The following CRYL1 variants were observed in gnomAD, a reference collection of about 807,000 sequenced individuals.
CRYL1 encodes the protein crystallin lambda 1.
In CRYL1, 29 loss-of-function variants were observed where a neutral mutation model predicts 36.6. The observed-to-expected ratio is 0.79, with a 90% confidence interval of 0.59 to 1.08. The LOEUF is 1.08. Among genes scored for constraint, CRYL1 ranks in the 50% least tolerant of loss-of-function variants. The pLI is 0.00. For missense variants in CRYL1, 411 were observed against 407.9 expected, an observed-to-expected ratio of 1.01 and a Z score of -0.06; for synonymous variants, 152 against 151.5, an observed-to-expected ratio of 1.00 and a Z score of -0.02.
At chr13:20,424,744 C>T in intron 5 of CRYL1, among the ~76,000 whole-genome samples, 1 of 151,912 alleles carries the variant, frequency 6.6e-6, no homozygotes, top group East Asian at 1.9e-4. Flanking sequence ...AGGGCAAAGC[C>T]GGCAGAGGGA....
chr13:20,489,621 C>A lies in CRYL1; in HGVS notation c.150-125G>T, dbSNP rs1453482742. The stretch of plus-strand genomic sequence containing the variant: ...ACCACAGTGAGATACCACCTCACAC[C>A]CATTAGGGGCTACCAAAAATAGAAA... On this transcript the variant is annotated intron_variant, in intron 2 of 7. Transcript: ENST00000298248. 5 of 1,089,016 alleles carry A rather than the reference C, an allele frequency of 4.6e-6. No homozygotes were observed. In the African/African-American group the frequency reaches 6.3e-5, roughly 14 times the overall value. 67.5% of individuals were successfully genotyped at this position (1,089,016 alleles called of 1,614,324 possible). A position where few individuals can be genotyped will look rare whatever the true frequency, so the allele number is the denominator to read the frequency against.
intron 3 of CRYL1, among the ~76,000 whole-genome samples, chr13:20,473,282 C>T (rs1156935266): frequency 6.6e-6 from 1 of 152,268 alleles, no homozygotes; most frequent in Non-Finnish European, 1.5e-5. Context: ...GCGGCACCCA[C>T]ATGCTGCTCA....
At chr13:20,483,636 C>T (rs61326535) in intron 3 of CRYL1, among the ~76,000 whole-genome samples, 1 of 151,870 alleles carries the variant, frequency 6.6e-6, no homozygotes, top group East Asian at 1.9e-4. Context: ...ACCTCCTGGG[C>T]TCAAGTGATC....
intron 6 of CRYL1, among the ~76,000 whole-genome samples, chr13:20,407,688 T>C (rs2031412477): frequency 6.6e-6 from 1 of 152,208 alleles, no homozygotes; most frequent in Admixed American, 6.5e-5. Context: ...CTTGTAGAGC[T>C]TGGCTTTTTA....
chr13:20,407,344 T>C (rs961944797), intron 6 of CRYL1, among the ~76,000 whole-genome samples: 5 of 151,916 alleles, frequency 3.3e-5, no homozygotes, highest in Admixed American at 1.3e-4. Context: ...TGACTTAGAC[T>C]CACGACCTGC....
chr13:20,516,272 A>AT (rs1184459601), intron 1 of CRYL1, among the ~76,000 whole-genome samples: 1 of 151,704 alleles, frequency 6.6e-6, no homozygotes, highest in Non-Finnish European at 1.5e-5. Flanking sequence ...TTTAAAAAAT[A>AT]TTTTTTTAAA....
rs1287248628 is a variant in CRYL1, at chr13:20,504,571, G to A, written c.149+7872C>T. On this transcript the variant is annotated intron_variant, in intron 2 of 7. Coordinates refer to ENST00000298248, the MANE Select transcript of CRYL1 (RefSeq NM_015974.3). ...TCCACCTGCCTTGGCCTCCCAAAGT[G>A]CTGGGATTTGCTTTTCTTCTTAAAA... 3.3e-5 allele frequency among the ~76,000 whole-genome samples: 5 copies of A among 152,160 alleles called. No homozygotes were observed. In the South Asian group the frequency reaches 1.0e-3, roughly 32 times the overall value.
intron 4 of CRYL1, 79 bp downstream of exon 4, chr13:20,439,514 C>CAAAAAAAAAAAAAGAAAAAAAAA: frequency 3.0e-6 from 1 of 330,904 alleles, no homozygotes; most frequent in Non-Finnish European, 4.6e-6. Context: ...CCCTCCCCCG[C>CAAAAAAAAAAAAAGAAAAAAAAA]AAAAAAAAAA....
chr13:20,507,262 C>T (rs1190643086), intron 2 of CRYL1, among the ~76,000 whole-genome samples: 1 of 152,166 alleles, frequency 6.6e-6, no homozygotes, highest in Non-Finnish European at 1.5e-5. Context: ...CATTTTGTGA[C>T]TCTGAAAATT....
intron 5 of CRYL1, chr13:20,431,601 A>G: frequency 9.7e-7 from 1 of 1,029,160 alleles, no homozygotes; most frequent in Non-Finnish European, 1.2e-6. Flanking sequence ...GATGTTAAAT[A>G]TATTTACATA....
At chr13:20,490,120 G>A (rs1024323936) in intron 2 of CRYL1, among the ~76,000 whole-genome samples, 2 of 152,194 alleles carry the variant, frequency 1.3e-5, no homozygotes, top group South Asian at 2.1e-4. Flanking sequence ...GCCAGGCTAG[G>A]TGGCTCACTC....
intron 3 of CRYL1, among the ~76,000 whole-genome samples, chr13:20,441,697 A>G (rs1482205891): frequency 2.0e-5 from 3 of 152,220 alleles, no homozygotes; most frequent in Non-Finnish European, 4.4e-5. Context: ...TCAAAAATAA[A>G]TGTTTTCAAG....
intron 5 of CRYL1, chr13:20,430,315 G>A (rs1416466189): frequency 1.0e-6 from 1 of 985,060 alleles, no homozygotes; most frequent in Non-Finnish European, 1.2e-6. Flanking sequence ...CTAGATTTTG[G>A]CACTCAGTTC....
intron 6 of CRYL1, chr13:20,405,760 G>A (rs573035370): frequency 1.3e-5 from 2 of 152,652 alleles, no homozygotes; most frequent in Admixed American, 6.5e-5. Flanking sequence ...TGCAGGAAGA[G>A]GCTTATCCTG....
At chr13:20,521,737 C>CACTT (rs2034101387) in intron 1 of CRYL1, among the ~76,000 whole-genome samples, 1 of 152,170 alleles carries the variant, frequency 6.6e-6, no homozygotes, top group South Asian at 2.1e-4. Context: ...ATAATTGCTT[C>CACTT]AATTCTATCA....
At chr13:20,420,394 C>T (rs753555872) in intron 5 of CRYL1, among the ~76,000 whole-genome samples, 15 of 152,180 alleles carry the variant, frequency 9.9e-5, no homozygotes, top group Middle Eastern at 3.4e-3. Flanking sequence ...ATGTTACTCT[C>T]CCGCAGGCTG....
intron 2 of CRYL1, among the ~76,000 whole-genome samples, chr13:20,493,681 G>T (rs1460956701): frequency 2.0e-5 from 3 of 151,996 alleles, no homozygotes; most frequent in Admixed American, 6.6e-5. Context: ...GAAGAAAGAA[G>T]GAGAAGGAGA....
chr13:20,501,744 G>C (rs2033708021), intron 2 of CRYL1, among the ~76,000 whole-genome samples: 1 of 152,168 alleles, frequency 6.6e-6, no homozygotes, highest in Non-Finnish European at 1.5e-5. Flanking sequence ...TTCCTTATGG[G>C]ATGGCTGTGT....
chr13:20,412,823 C>T (rs1025123425), intron 6 of CRYL1, among the ~76,000 whole-genome samples: 1 of 152,222 alleles, frequency 6.6e-6, no homozygotes, highest in Non-Finnish European at 1.5e-5. Context: ...AGCCCTCCCT[C>T]ACTATAGGCT....
Sources: gnomAD v4.1 joint callset for allele counts (sites outside exome capture counted in the v4.1 genomes callset) on GRCh38, gnomAD v4.1.1 for gene constraint, MANE v1.5 for transcripts, NCBI Gene and HGNC (gene_info 2026-07-23, HGNC 2026-07-21) for gene names.